The following MARCHF1 variants were observed in gnomAD, a reference collection of about 807,000 sequenced individuals.
MARCHF1 encodes the protein membrane associated ring-CH-type finger 1, also known as E3 ubiquitin-protein ligase MARCHF1.
MARCHF1 carries 40 observed loss-of-function variants against 54.2 expected under a neutral mutation model. The observed-to-expected ratio is 0.74, with a 90% confidence interval of 0.57 to 0.96. The LOEUF (loss-of-function observed/expected upper bound fraction) is 0.96, where lower values mean the gene tolerates loss of function less well. MARCHF1 is among the 40% of genes least tolerant of loss of function. The pLI is 0.00. For missense variants in MARCHF1, 586 were observed against 656.5 expected, an observed-to-expected ratio of 0.89 and a Z score of 1.17; for synonymous variants, 236 against 236.3, an observed-to-expected ratio of 1.00 and a Z score of 0.01.
At chr4:164,230,755 T>A (rs1391249611) in intron 1 of MARCHF1, among the ~76,000 whole-genome samples, 3 of 152,164 alleles carry the variant, frequency 2.0e-5, no homozygotes, top group Admixed American at 2.0e-4. Flanking sequence ...CTGAGTTGTT[T>A]TGAGTTACTA....
chr4:163,683,069 T>C (rs1163436215), intron 5 of MARCHF1, among the ~76,000 whole-genome samples: 1 of 152,236 alleles, frequency 6.6e-6, no homozygotes, highest in Admixed American at 6.5e-5. Flanking sequence ...GTGCCTTTTC[T>C]ACTTTGCATA....
intron 1 of MARCHF1, among the ~76,000 whole-genome samples, chr4:164,256,481 T>A (rs572455839): frequency 1.0e-3 from 151 of 145,034 alleles, no homozygotes; most frequent in South Asian, 4.4e-3. Flanking sequence ...AAGATTATAA[T>A]GAAGATAGTG....
At chr4:163,891,970 A>G (rs151044223) in intron 3 of MARCHF1, among the ~76,000 whole-genome samples, 93 of 152,292 alleles carry the variant, frequency 6.1e-4, no homozygotes, top group African/African-American at 2.2e-3. Context: ...TTCCTTTTTA[A>G]TGAGGCACTA....
intron 1 of MARCHF1, among the ~76,000 whole-genome samples, chr4:164,184,350 GC>G (rs1730911319): frequency 1.3e-5 from 2 of 152,054 alleles, no homozygotes; most frequent in South Asian, 4.1e-4. Flanking sequence ...ATATGCTTTT[GC>G]CACATACCTC....
chr4:163,708,371 C>A (rs1481523943), intron 4 of MARCHF1, among the ~76,000 whole-genome samples: 1 of 152,000 alleles, frequency 6.6e-6, no homozygotes, highest in African/African-American at 2.4e-5. Context: ...AGTTAATGAT[C>A]TTTTACAGCC....
At chr4:164,125,434 A>T (rs1240618936) in intron 1 of MARCHF1, among the ~76,000 whole-genome samples, 1 of 152,196 alleles carries the variant, frequency 6.6e-6, no homozygotes, top group Non-Finnish European at 1.5e-5. Context: ...AATATACTTC[A>T]TTGAGGACCA....
intron 4 of MARCHF1, among the ~76,000 whole-genome samples, chr4:163,713,310 T>C (rs1214684857): frequency 6.6e-6 from 1 of 152,160 alleles, no homozygotes; most frequent in Non-Finnish European, 1.5e-5. Context: ...TAGAGAATTA[T>C]TACTTCATAT....
intron 1 of MARCHF1, among the ~76,000 whole-genome samples, chr4:164,222,218 A>G (rs1253116223): frequency 6.6e-6 from 1 of 150,448 alleles, no homozygotes; most frequent in East Asian, 1.9e-4. Context: ...ACCACCTGTC[A>G]ACACCTTTTT....
At chr4:164,011,738 G>C (rs1278755030) in intron 2 of MARCHF1, among the ~76,000 whole-genome samples, 4 of 152,162 alleles carry the variant, frequency 2.6e-5, no homozygotes, top group Non-Finnish European at 5.9e-5. Flanking sequence ...ACTAAGAATA[G>C]CACCTTCAAT....
At chr4:164,129,458 C>G (rs1482556561) in intron 1 of MARCHF1, among the ~76,000 whole-genome samples, 1 of 147,374 alleles carries the variant, frequency 6.8e-6, no homozygotes, top group African/African-American at 2.5e-5. Flanking sequence ...TAAGCAAAAA[C>G]AGAAATTTGA....
intron 5 of MARCHF1, among the ~76,000 whole-genome samples, chr4:163,647,222 T>A (rs1352969422): frequency 6.6e-6 from 1 of 152,046 alleles, no homozygotes; most frequent in Non-Finnish European, 1.5e-5. Flanking sequence ...CACTTGTAAA[T>A]GTATAATATA....
intron 4 of MARCHF1, among the ~76,000 whole-genome samples, chr4:163,759,019 C>G (rs978488787): frequency 6.6e-6 from 1 of 151,998 alleles, no homozygotes; most frequent in African/African-American, 2.4e-5. Flanking sequence ...TTGAAAAGAA[C>G]TGAAGCATCA....
chr4:163,854,323 C>T (rs1029332826), intron 3 of MARCHF1, 154 bp from the exon 4 acceptor site: 4 of 552,480 alleles, frequency 7.2e-6, no homozygotes, highest in South Asian at 2.5e-5. Context: ...GAAGAATATG[C>T]TGATTATTAC....
chr4:163,657,993 T>C (rs1035666906), intron 5 of MARCHF1, among the ~76,000 whole-genome samples: 1 of 147,340 alleles, frequency 6.8e-6, no homozygotes, highest in Non-Finnish European at 1.5e-5. Context: ...ATTCAGGACA[T>C]AGGCACAGGC....
intron 3 of MARCHF1, among the ~76,000 whole-genome samples, chr4:163,878,267 C>T (rs1317063808): frequency 1.3e-5 from 2 of 152,158 alleles, no homozygotes; most frequent in African/African-American, 2.4e-5. Context: ...TGGAGATAAG[C>T]AACAGGAGAA....
intron 1 of MARCHF1, among the ~76,000 whole-genome samples, chr4:164,159,698 A>C (rs2110936487): frequency 6.6e-6 from 1 of 152,310 alleles, no homozygotes; most frequent in African/African-American, 2.4e-5. Flanking sequence ...AGTGTAAAGG[A>C]GCTATAAAGG....
At position 164,101,175 on chromosome 4, in the gene MARCHF1, G is replaced by A. The variant is rs547107257; in HGVS notation, c.-248+10413C>T. ...TGAGATCAAACTGCAAGGCAGCAGC[G>A]AGGCCGGGGGAGGGGCACCCGCCAT... On this transcript the variant is annotated intron_variant, in intron 2 of 9. Coordinates refer to ENST00000514618, the MANE Select transcript of MARCHF1 (RefSeq NM_001394959.1). Among the ~76,000 whole-genome samples, 502 of 152,290 alleles carry A rather than the reference G, an allele frequency of 3.3e-3. 2 individuals are homozygous for A. Among genetic ancestry groups the A allele is most frequent in the Admixed American group, 6.5e-3 (100 of 15,304 alleles).
intron 2 of MARCHF1, among the ~76,000 whole-genome samples, chr4:164,032,131 T>C (rs966116696): frequency 5.3e-5 from 8 of 152,330 alleles, no homozygotes; most frequent in Admixed American, 5.2e-4. Context: ...GTGGTGTTTA[T>C]TGTATTCTCT....
At chr4:163,577,160 T>C (rs1740068023) in intron 8 of MARCHF1, among the ~76,000 whole-genome samples, 1 of 151,888 alleles carries the variant, frequency 6.6e-6, no homozygotes, top group Admixed American at 6.6e-5. Flanking sequence ...AGGGTCTGTT[T>C]TGTAGGGCTG....
Sources: allele counts gnomAD v4.1 joint callset (sites outside exome capture counted in the v4.1 genomes callset), GRCh38; gene constraint gnomAD v4.1.1; transcripts MANE v1.5; gene names NCBI Gene and HGNC (gene_info 2026-07-23, HGNC 2026-07-21).